JAM3: variants seen among roughly 807,000 people sequenced by gnomAD.
JAM3 encodes the protein junctional adhesion molecule C.
Under a neutral mutation model 39.4 loss-of-function variants are expected in JAM3, and 31 were observed. The observed-to-expected ratio is 0.79, with a 90% confidence interval of 0.59 to 1.06. The LOEUF (loss-of-function observed/expected upper bound fraction) is 1.06. Ranked by LOEUF, JAM3 falls within the 50% of genes least tolerant of loss-of-function variation. JAM3 has a pLI of 0.00. For synonymous variants in JAM3, 182 were observed against 148.7 expected (o/e 1.22, Z -1.63); for missense variants, 455 against 391.4 (o/e 1.16, Z -1.37).
chr11:134,149,090 T>C (rs1315634024), intron 8 of JAM3, 56 bp from the exon 9 acceptor site: 5 of 1,608,664 alleles, frequency 3.1e-6, no homozygotes, highest in Non-Finnish European at 4.3e-6. Flanking sequence ...ACTCCGTGTT[T>C]TTCCCTGCTT....
chr11:134,134,657 C>T (rs1942830880), intron 1 of JAM3, among the ~76,000 whole-genome samples: 1 of 152,070 alleles, frequency 6.6e-6, no homozygotes, highest in Non-Finnish European at 1.5e-5. Context: ...TTCTCCACAC[C>T]CTCACCAACT....
At chr11:134,107,205 C>T (rs1942209200) in intron 1 of JAM3, among the ~76,000 whole-genome samples, 1 of 152,188 alleles carries the variant, frequency 6.6e-6, no homozygotes, top group African/African-American at 2.4e-5. Flanking sequence ...AGCTGGAAAC[C>T]ATCATTCTCA....
rs1943176431 is a variant in JAM3 at position 134,150,277 on chromosome 11, C to T, written c.*1096C>T. The T allele has an allele frequency of 6.6e-6, 1 of 152,412 alleles. No homozygotes were observed. The highest frequency in any genetic ancestry group is 1.5e-5 in the Non-Finnish European group (1 of 68,194). 9.4% of individuals were successfully genotyped at this position (152,412 alleles called of 1,614,324 possible). A position where few individuals can be genotyped will look rare whatever the true frequency, so the allele number is the denominator to read the frequency against. The stretch of plus-strand genomic sequence containing the variant: ...TCAGTTTGCATCTCTTCAAAAGAAA[C>T]CTCTCAGGTTAGCTTTGAACTGCCT... On this transcript the variant is annotated 3_prime_UTR_variant, in exon 9 of 9. Transcript: ENST00000299106.
chr11:134,142,071 T>C (rs1942984393), intron 3 of JAM3, among the ~76,000 whole-genome samples: 1 of 152,136 alleles, frequency 6.6e-6, no homozygotes, highest in Admixed American at 6.5e-5. Flanking sequence ...ATCTGTTTTC[T>C]TTGGCTACTC....
intron 1 of JAM3, among the ~76,000 whole-genome samples, chr11:134,081,297 A>G (rs1941661582): frequency 6.6e-6 from 1 of 152,256 alleles, no homozygotes; most frequent in Non-Finnish European, 1.5e-5. Flanking sequence ...TTAATCCCCA[A>G]GACAATGGGG....
At chr11:134,073,917 G>A (rs1350452749) in intron 1 of JAM3, among the ~76,000 whole-genome samples, 2 of 152,116 alleles carry the variant, frequency 1.3e-5, no homozygotes, top group African/African-American at 4.8e-5. Context: ...GTGGCCCTAG[G>A]AACTTCTGGA....
chr11:134,081,082 T>A (rs1451694693), intron 1 of JAM3, among the ~76,000 whole-genome samples: 1 of 152,184 alleles, frequency 6.6e-6, no homozygotes, highest in Non-Finnish European at 1.5e-5. Flanking sequence ...TGATTTAGGG[T>A]ATCTAGCGGA....
In JAM3 at chr11:134,083,580, C is replaced by T. The variant is rs1384960925; in HGVS notation, c.76+14421C>T. 2.0e-5 allele frequency among the ~76,000 whole-genome samples: 3 copies of T among 152,190 alleles called. No homozygotes were observed. In the East Asian group the frequency reaches 5.8e-4, roughly 29 times the overall value. On this transcript the variant is annotated intron_variant, in intron 1 of 8. Coordinates refer to ENST00000299106, the MANE Select transcript of JAM3 (RefSeq NM_032801.5). ...TGTGCGTTTCTTGTCAAGTACATTT[C>T]CTACATGCAGAGTAAGTAAAATCTG...
chr11:134,084,173 C>T (rs1478567427), intron 1 of JAM3, among the ~76,000 whole-genome samples: 3 of 152,166 alleles, frequency 2.0e-5, no homozygotes, highest in Non-Finnish European at 4.4e-5. Flanking sequence ...GCCTGTCTAC[C>T]TCAAATGCAG....
chr11:134,123,575 A>G (rs1437909725), intron 1 of JAM3, among the ~76,000 whole-genome samples: 1 of 152,216 alleles, frequency 6.6e-6, no homozygotes, highest in East Asian at 1.9e-4. Flanking sequence ...TCAAACTCCA[A>G]AACTAGGAGC....
intron 1 of JAM3, among the ~76,000 whole-genome samples, chr11:134,091,963 A>C (rs1441850497): frequency 2.6e-5 from 4 of 152,084 alleles, no homozygotes. Flanking sequence ...CAGTATTTGT[A>C]ATATATCTAC....
intron 1 of JAM3, among the ~76,000 whole-genome samples, chr11:134,077,931 C>A (rs1395884833): frequency 6.6e-6 from 1 of 151,842 alleles, no homozygotes; most frequent in African/African-American, 2.4e-5. Context: ...AGATTACAGG[C>A]GTGAGGCACC....
intron 1 of JAM3, among the ~76,000 whole-genome samples, chr11:134,101,763 T>C (rs1942077827): frequency 6.6e-6 from 1 of 152,164 alleles, no homozygotes; most frequent in Admixed American, 6.6e-5. Flanking sequence ...GTGCCAGGAA[T>C]TTATAAGTCC....
intron 1 of JAM3, among the ~76,000 whole-genome samples, chr11:134,092,949 A>G (rs1002949457): frequency 6.8e-6 from 1 of 146,746 alleles, no homozygotes; most frequent in Non-Finnish European, 1.5e-5. Flanking sequence ...TCCATCTTAC[A>G]TGTCACTCCC....
Position 134,107,587 on chromosome 11 carries a change from T to C in JAM3, c.77-32264T>C, listed in dbSNP as rs543347642. Among the ~76,000 whole-genome samples, 131 of 152,314 alleles carry C rather than the reference T, an allele frequency of 8.6e-4. 2 individuals carry two copies. Among genetic ancestry groups the C allele is most frequent in the African/African-American group, 3.1e-3 (127 of 41,574 alleles). ...CTAAAGCAGTAACTAGGGTGAAATC[T>C]ACAGCATGAAAGACCTATATTCGAA... On this transcript the variant is annotated intron_variant, in intron 1 of 8. Coordinates refer to ENST00000299106, the MANE Select transcript of JAM3 (RefSeq NM_032801.5).
At chr11:134,089,944 A>G (rs957942781) in intron 1 of JAM3, among the ~76,000 whole-genome samples, 4 of 152,174 alleles carry the variant, frequency 2.6e-5, no homozygotes, top group South Asian at 2.1e-4. Flanking sequence ...AAATGTTCCT[A>G]TTTCTCCACA....
At chr11:134,106,691 C>G (rs1942196076) in intron 1 of JAM3, among the ~76,000 whole-genome samples, 1 of 152,184 alleles carries the variant, frequency 6.6e-6, no homozygotes, top group Non-Finnish European at 1.5e-5. Flanking sequence ...AGACACTTCT[C>G]AAAAGAAAAC....
chr11:134,125,950 C>G (rs470413), intron 1 of JAM3, among the ~76,000 whole-genome samples: 15 of 152,196 alleles, frequency 9.9e-5, no homozygotes, highest in Admixed American at 1.3e-4. Context: ...AAGCAGCGTA[C>G]CTTCACACTT....
Position 134,149,447 on chromosome 11 carries a change from T to C in JAM3, c.*266T>C. The C allele has an allele frequency of 1.7e-6, 1 of 589,864 alleles. No individual in the cohort carries two copies. The highest frequency in any genetic ancestry group is 1.9e-5 in the South Asian group (1 of 52,100). 36.5% of individuals were successfully genotyped at this position (589,864 alleles called of 1,614,324 possible). On this transcript the variant is annotated 3_prime_UTR_variant, in exon 9 of 9. Transcript: ENST00000299106. ...CTGAGTTGGGTTCCTAATCTGTTTC[T>C]GGCCTGATTCCCGCATGAGTATTAG...
Sources: gnomAD v4.1 joint callset for allele counts (sites outside exome capture counted in the v4.1 genomes callset) on GRCh38, gnomAD v4.1.1 for gene constraint, MANE v1.5 for transcripts, NCBI Gene and HGNC (gene_info 2026-07-23, HGNC 2026-07-21) for gene names.